Variants in CNTNAP2 observed in about 807,000 individuals in gnomAD.
CNTNAP2 encodes contactin associated protein 2.
In CNTNAP2, 98 loss-of-function variants were observed where a neutral mutation model predicts 155.2. The ratio of observed to expected loss-of-function variants is 0.63; its 90% confidence interval spans 0.54 to 0.75. The LOEUF (loss-of-function observed/expected upper bound fraction) is 0.75. Among genes scored for constraint, CNTNAP2 ranks in the 30% least tolerant of loss-of-function variants. The pLI is 0.00. For synonymous variants in CNTNAP2, 651 were observed against 631.2 expected, an observed-to-expected ratio of 1.03 and a Z score of -0.47; for missense variants, 1,727 against 1,688.1, an observed-to-expected ratio of 1.02 and a Z score of -0.40.
intron 9 of CNTNAP2, among the ~76,000 whole-genome samples, chr7:147,329,502 G>A (rs1033593938): frequency 1.3e-5 from 2 of 152,112 alleles, no homozygotes; most frequent in African/African-American, 4.8e-5. Flanking sequence ...ACTGAATGTT[G>A]TAAGCAGCTA....
intron 15 of CNTNAP2, among the ~76,000 whole-genome samples, chr7:148,075,875 A>T (rs141922871): frequency 3.9e-5 from 6 of 152,316 alleles, no homozygotes; most frequent in African/African-American, 1.4e-4. Flanking sequence ...TATTGTTATC[A>T]AAGTGGTGCC....
intron 3 of CNTNAP2, among the ~76,000 whole-genome samples, chr7:146,880,778 A>C (rs112582014): frequency 6.6e-6 from 1 of 152,290 alleles, no homozygotes; most frequent in South Asian, 2.1e-4. Flanking sequence ...TGGAAACTCA[A>C]ACTTACAGAG....
At chr7:147,582,160 T>A (rs1800513638) in intron 12 of CNTNAP2, among the ~76,000 whole-genome samples, 1 of 152,138 alleles carries the variant, frequency 6.6e-6, no homozygotes, top group African/African-American at 2.4e-5. Context: ...TGTTGGAAAT[T>A]AGCTTAGTAT....
intron 8 of CNTNAP2, among the ~76,000 whole-genome samples, chr7:147,276,974 G>A (rs534091767): frequency 2.6e-5 from 4 of 152,062 alleles, no homozygotes; most frequent in South Asian, 2.1e-4. Flanking sequence ...GCTGTTAGAC[G>A]TGAAAACCAA....
At chr7:146,341,997 T>A (rs1463040511) in intron 1 of CNTNAP2, among the ~76,000 whole-genome samples, 1 of 152,174 alleles carries the variant, frequency 6.6e-6, no homozygotes, top group Non-Finnish European at 1.5e-5. Flanking sequence ...GCACATTGAA[T>A]TTTATTGATT....
chr7:146,913,133 A>G (rs1267783446), intron 3 of CNTNAP2, among the ~76,000 whole-genome samples: 1 of 152,170 alleles, frequency 6.6e-6, no homozygotes, highest in Admixed American at 6.6e-5. Context: ...CTGAACCTCG[A>G]AAGTTAATTA....
intron 8 of CNTNAP2, among the ~76,000 whole-genome samples, chr7:147,214,416 A>C (rs971608148): frequency 2.0e-5 from 3 of 152,222 alleles, no homozygotes; most frequent in Admixed American, 6.5e-5. Flanking sequence ...TCCTTTGTAA[A>C]ATGGAGATAA....
intron 1 of CNTNAP2, among the ~76,000 whole-genome samples, chr7:146,458,010 G>T (rs920350433): frequency 6.6e-6 from 1 of 152,048 alleles, no homozygotes; most frequent in Admixed American, 6.6e-5. Flanking sequence ...GCAGGGACGT[G>T]AATGGAGCTG....
chr7:146,694,995 T>C (rs919755550), intron 1 of CNTNAP2, among the ~76,000 whole-genome samples: 5 of 152,202 alleles, frequency 3.3e-5, no homozygotes, highest in African/African-American at 1.2e-4. Flanking sequence ...TTGTTGATTC[T>C]TTGGAATTTT....
chr7:146,895,467 C>A (rs918436479), intron 3 of CNTNAP2, among the ~76,000 whole-genome samples: 1 of 151,960 alleles, frequency 6.6e-6, no homozygotes, highest in South Asian at 2.1e-4. Flanking sequence ...ATGTAATTAG[C>A]TATATGTGTG....
At chr7:147,946,056 TG>T (rs1174123127) in intron 14 of CNTNAP2, among the ~76,000 whole-genome samples, 2 of 151,810 alleles carry the variant, frequency 1.3e-5, no homozygotes, top group African/African-American at 2.4e-5. Context: ...TTAGTAGAGA[TG>T]GGGTTTCACC....
intron 14 of CNTNAP2, among the ~76,000 whole-genome samples, chr7:147,905,943 A>G (rs191405453): frequency 7.2e-5 from 11 of 152,178 alleles, no homozygotes; most frequent in Admixed American, 2.0e-4. Context: ...GAAATTTTCA[A>G]TCTAACTGGA....
intron 8 of CNTNAP2, among the ~76,000 whole-genome samples, chr7:147,141,957 C>A (rs1225003020): frequency 6.6e-6 from 1 of 152,188 alleles, no homozygotes; most frequent in Non-Finnish European, 1.5e-5. Flanking sequence ...TGCCTATCAG[C>A]TTAAGGAGAT....
chr7:146,786,530 A>G (rs552792689), intron 2 of CNTNAP2, among the ~76,000 whole-genome samples: 10 of 152,344 alleles, frequency 6.6e-5, no homozygotes, highest in African/African-American at 2.4e-4. Flanking sequence ...TGCCTTTTCT[A>G]TACACCAAGA....
chr7:148,238,411 A>G (rs1464920091), intron 20 of CNTNAP2, among the ~76,000 whole-genome samples: 2 of 152,232 alleles, frequency 1.3e-5, no homozygotes, highest in African/African-American at 4.8e-5. Context: ...GATCTTCTCT[A>G]GAACCCAGCT....
intron 1 of CNTNAP2, among the ~76,000 whole-genome samples, chr7:146,349,263 C>A (rs914816158): frequency 5.0e-5 from 7 of 138,770 alleles, no homozygotes; most frequent in African/African-American, 2.4e-4. Flanking sequence ...CGAGGTCATA[C>A]ATAGGTGTCC....
At chr7:148,160,309 G>T (rs1195951635) in intron 17 of CNTNAP2, among the ~76,000 whole-genome samples, 1 of 151,878 alleles carries the variant, frequency 6.6e-6, no homozygotes, top group East Asian at 1.9e-4. Flanking sequence ...CTACCCTGGA[G>T]CTGAGGCAGA....
At chr7:147,553,790 G>A (rs1443775959) in intron 11 of CNTNAP2, among the ~76,000 whole-genome samples, 1 of 152,104 alleles carries the variant, frequency 6.6e-6, no homozygotes, top group Non-Finnish European at 1.5e-5. Context: ...GGCCAACATG[G>A]TGAAACCCTG....
At chr7:146,346,501 G>A (rs1269303825) in intron 1 of CNTNAP2, among the ~76,000 whole-genome samples, 4 of 152,116 alleles carry the variant, frequency 2.6e-5, no homozygotes, top group African/African-American at 9.7e-5. Context: ...GACCAGCATG[G>A]TGAAACCCTG....
Sources: allele counts gnomAD v4.1 joint callset (sites outside exome capture counted in the v4.1 genomes callset), GRCh38; gene constraint gnomAD v4.1.1; transcripts MANE v1.5; gene names NCBI Gene and HGNC (gene_info 2026-07-23, HGNC 2026-07-21).